LRRIQ3: variants seen among roughly 807,000 people sequenced by gnomAD.
LRRIQ3 encodes leucine rich repeats and IQ motif containing 3.
Under a neutral mutation model 59.3 loss-of-function variants are expected in LRRIQ3, and 75 were observed. The ratio of observed to expected loss-of-function variants is 1.26; its 90% CI spans 1.05 to 1.53. The LOEUF is 1.53. LRRIQ3 is among the 40% of genes most tolerant of loss of function. LRRIQ3 has a pLI of 0.00. For synonymous variants in LRRIQ3, 250 were observed against 231.3 expected (o/e 1.08, Z -0.73); for missense variants, 831 against 710.0 (o/e 1.17, Z -1.94).
At chr1:74,154,387 A>C (rs78275079) in intron 4 of LRRIQ3, among the ~76,000 whole-genome samples, 1,706 of 152,090 alleles carry the variant, frequency 0.011, 46 homozygotes, top group East Asian at 0.054. Flanking sequence ...AATTTTACAG[A>C]TAAAGAAATT....
chr1:74,077,744 A>T (rs962466146), intron 5 of LRRIQ3, among the ~76,000 whole-genome samples: 1 of 152,004 alleles, frequency 6.6e-6, no homozygotes, highest in Non-Finnish European at 1.5e-5. Context: ...ATGAACAAAA[A>T]GTTTAAAGCT....
intron 3 of LRRIQ3, among the ~76,000 whole-genome samples, chr1:74,162,001 A>C (rs183952161): frequency 6.6e-6 from 1 of 151,990 alleles, no homozygotes; most frequent in African/African-American, 2.4e-5. Context: ...CATTTGTTTA[A>C]ATCTTAGTTC....
chr1:74,149,493 C>T (rs1218590831), intron 4 of LRRIQ3, among the ~76,000 whole-genome samples: 4 of 152,116 alleles, frequency 2.6e-5, no homozygotes, highest in Non-Finnish European at 4.4e-5. Context: ...TATCTGTAGA[C>T]TTACAGCAAT....
chr1:74,149,637 T>C (rs1557640859), intron 4 of LRRIQ3, among the ~76,000 whole-genome samples: 1 of 152,202 alleles, frequency 6.6e-6, no homozygotes, highest in Non-Finnish European at 1.5e-5. Context: ...CTCATGTTTA[T>C]TGTATATTTG....
chr1:74,178,490 A>G (rs1272775976), intron 3 of LRRIQ3, among the ~76,000 whole-genome samples: 1 of 152,182 alleles, frequency 6.6e-6, no homozygotes, highest in African/African-American at 2.4e-5. Flanking sequence ...TGGTAATTAT[A>G]CATATGATTT....
intron 4 of LRRIQ3, among the ~76,000 whole-genome samples, chr1:74,128,230 G>C (rs1360887749): frequency 6.6e-6 from 1 of 151,940 alleles, no homozygotes; most frequent in Non-Finnish European, 1.5e-5. Flanking sequence ...GTGTACAATA[G>C]CTTTCTTGTA....
intron 7 of LRRIQ3, among the ~76,000 whole-genome samples, chr1:74,033,065 T>C (rs1292339789): frequency 6.6e-6 from 1 of 151,980 alleles, no homozygotes; most frequent in African/African-American, 2.4e-5. Context: ...TAAGTGGTGT[T>C]TGAATAGAAA....
chr1:74,109,939 T>C (rs1646671285), intron 4 of LRRIQ3, among the ~76,000 whole-genome samples: 2 of 151,736 alleles, frequency 1.3e-5, no homozygotes, highest in African/African-American at 2.4e-5. Context: ...GTAACAGTTA[T>C]TACTATATCA....
chr1:74,053,022 T>C (rs888181470), intron 6 of LRRIQ3, among the ~76,000 whole-genome samples: 7 of 152,058 alleles, frequency 4.6e-5, no homozygotes, highest in African/African-American at 9.7e-5. Flanking sequence ...GGCAAGAGTA[T>C]TGACAAATAG....
intron 4 of LRRIQ3, among the ~76,000 whole-genome samples, chr1:74,123,108 A>T (rs559056453): frequency 6.6e-6 from 1 of 152,078 alleles, no homozygotes; most frequent in Non-Finnish European, 1.5e-5. Flanking sequence ...TTTTTGTTCA[A>T]CTTCTGTGTT....
chr1:74,116,074 A>G (rs896599030), intron 4 of LRRIQ3, among the ~76,000 whole-genome samples: 30 of 152,090 alleles, frequency 2.0e-4, no homozygotes, highest in African/African-American at 5.3e-4. Context: ...ATTGATTTTA[A>G]AAACCTGAAA....
chr1:74,185,668 G>C (rs1044900979), intron 1 of LRRIQ3, among the ~76,000 whole-genome samples: 5 of 152,112 alleles, frequency 3.3e-5, no homozygotes, highest in African/African-American at 1.2e-4. Context: ...AAAGGGCCGG[G>C]CGCAGTGGCT....
chr1:74,084,644 T>C (rs1646307969), intron 5 of LRRIQ3, among the ~76,000 whole-genome samples: 1 of 151,656 alleles, frequency 6.6e-6, no homozygotes, highest in African/African-American at 2.4e-5. Flanking sequence ...ATCAAGATAA[T>C]ACCAGAATTC....
intron 7 of LRRIQ3, among the ~76,000 whole-genome samples, chr1:74,033,360 G>A (rs768517019): frequency 2.0e-4 from 30 of 151,852 alleles, no homozygotes; most frequent in Non-Finnish European, 3.5e-4. Context: ...AAAGAACCTC[G>A]GAGCCTACAC....
Position 74,183,600 on chromosome 1 carries a change from C to T in LRRIQ3, c.85G>A (p.Asp29Asn), listed in dbSNP as rs754427571. Residue 29 changes from aspartate to asparagine, a missense_variant, in exon 2 of 8, where the codon GAT becomes AAT. Physicochemically the swap from Asp to Asn is conservative, Grantham distance 23. Coordinates refer to ENST00000354431, the MANE Select transcript of LRRIQ3 (RefSeq NM_001105659.2). ...CCATTGAACTTCACAAAAACAAAAT[C>T]TTTTTGACCTTCTCTTATGTTTTCA... ...YNENIREGQK[D>N]FVFVKFNGLH... The T allele has an allele frequency of 5.0e-6, 8 of 1,611,782 alleles. No individual in the cohort carries two copies. Among genetic ancestry groups the T allele is most frequent in the African/African-American group, 2.7e-5 (2 of 74,838 alleles).
chr1:74,068,090 A>G (rs1181879482), intron 6 of LRRIQ3, among the ~76,000 whole-genome samples: 2 of 152,050 alleles, frequency 1.3e-5, no homozygotes, highest in Admixed American at 6.6e-5. Flanking sequence ...ATTCTTTGCT[A>G]CTAAATAACT....
At chr1:74,188,772 C>T (rs1376927112) in intron 1 of LRRIQ3, among the ~76,000 whole-genome samples, 1 of 152,038 alleles carries the variant, frequency 6.6e-6, no homozygotes, top group Non-Finnish European at 1.5e-5. Flanking sequence ...TTTTCCTTTC[C>T]TCAGAGAAAC....
intron 6 of LRRIQ3, among the ~76,000 whole-genome samples, chr1:74,053,606 T>C (rs779702193): frequency 1.3e-5 from 2 of 152,112 alleles, no homozygotes; most frequent in Non-Finnish European, 2.9e-5. Context: ...GGAGGATTGC[T>C]TGAGCCAGAG....
intron 4 of LRRIQ3, among the ~76,000 whole-genome samples, chr1:74,116,228 C>G (rs1646774841): frequency 1.3e-5 from 2 of 152,018 alleles, no homozygotes; most frequent in Admixed American, 6.6e-5. Flanking sequence ...AATCCATACA[C>G]TGCCCTATAC....
Sources: gnomAD v4.1 joint callset for allele counts (sites outside exome capture counted in the v4.1 genomes callset) on GRCh38, gnomAD v4.1.1 for gene constraint, MANE v1.5 for transcripts, NCBI Gene and HGNC (gene_info 2026-07-23, HGNC 2026-07-21) for gene names.